HPS4: variants seen among roughly 807,000 people sequenced by gnomAD.
HPS4 encodes HPS4 biogenesis of lysosomal organelles complex 3 subunit 2, also known as BLOC-3 complex member HPS4.
Under a neutral mutation model 70.3 loss-of-function variants are expected in HPS4, and 44 were observed. The ratio of observed to expected loss-of-function variants is 0.63; its 90% CI spans 0.49 to 0.80. The LOEUF (loss-of-function observed/expected upper bound fraction) is 0.80, where lower values mean the gene tolerates loss of function less well. Among genes scored for constraint, HPS4 ranks in the 30% least tolerant of loss-of-function variants. The pLI is 0.00. For synonymous variants in HPS4, 377 were observed against 355.9 expected, an observed-to-expected ratio of 1.06 and a Z score of -0.67; for missense variants, 873 against 884.4, an observed-to-expected ratio of 0.99 and a Z score of 0.16.
In HPS4 at chr22:26,470,707, G is replaced by A. The variant is rs200878716; in HGVS notation, c.596+12C>T. The A allele has an allele frequency of 1.3e-5, 21 of 1,612,312 alleles. No individual in the cohort carries two copies. The East Asian group carries it at 4.5e-4, about 34-fold the overall frequency. On this transcript the variant is annotated intron_variant, in intron 7 of 13. Coordinates refer to ENST00000398145, the MANE Select transcript of HPS4 (RefSeq NM_022081.6). ...GAATGGGGCTGGAAGAAAGGGGTCT[G>A]GAGTTACTCACAGTCCTTTATAGAG... is the stretch of plus-strand genomic sequence containing the variant.
chr22:26,480,254 C>A (rs535662049), intron 2 of HPS4, among the ~76,000 whole-genome samples: 1 of 152,320 alleles, frequency 6.6e-6, no homozygotes, highest in South Asian at 2.1e-4. Flanking sequence ...TCAGTGCAAA[C>A]TCAATCTCCC....
At position 26,457,882 on chromosome 22, in the gene HPS4, G is replaced by A. The variant is rs2086443482; in HGVS notation, c.1932C>T (p.Pro644=). The change falls in exon 13 of 14, where the codon CCC becomes CCT. Residue 644 remains proline (P), a synonymous_variant. Transcript: ENST00000398145. ...ACCTGACAGTCATTTCATAAAGCGC[G>A]GGCAGCTGGGCAAATTCGCTATGCA... is the stretch of plus-strand genomic sequence containing the variant. The part of the protein sequence containing the change: ...SLMHSEFAQL[P]ALYEMTVRNA... 4.3e-6 allele frequency: 7 copies of A among 1,614,144 alleles called. No individual in the cohort carries two copies. The highest frequency in any genetic ancestry group is 1.1e-5 in the South Asian group (1 of 91,084).
intron 8 of HPS4, 128 bp from the exon 9 acceptor site, chr22:26,466,390 T>C: frequency 1.0e-6 from 1 of 992,114 alleles, no homozygotes; most frequent in South Asian, 1.4e-5. Context: ...CCCAACCACA[T>C]GCTAAGAGCC....
At chr22:26,466,073 T>G in intron 9 of HPS4, 153 bp downstream of exon 9, 1 of 1,566,400 alleles carries the variant, frequency 6.4e-7, no homozygotes, top group Non-Finnish European at 8.6e-7. Context: ...GGTGGGTAAC[T>G]CGATTCTTGA....
chr22:26,450,691 A>G (rs1306308276), downstream of HPS4, among the ~76,000 whole-genome samples: 1 of 152,148 alleles, frequency 6.6e-6, no homozygotes, highest in Non-Finnish European at 1.5e-5. Context: ...GGGTGTGGTT[A>G]CTTCCATGCT....
intron 13 of HPS4, among the ~76,000 whole-genome samples, chr22:26,455,584 G>C (rs987186681): frequency 3.9e-5 from 4 of 102,852 alleles, no homozygotes; most frequent in Non-Finnish European, 5.5e-5. Flanking sequence ...GCCTGTTGTA[G>C]GGTGGGGGGA....
chr22:26,462,057 C>T (rs1362092050), intron 11 of HPS4, among the ~76,000 whole-genome samples: 2 of 149,690 alleles, frequency 1.3e-5, no homozygotes, highest in African/African-American at 2.5e-5. Context: ...ACCGGGGAGG[C>T]GGAGGTTGCA....
downstream of HPS4, chr22:26,443,513 G>T (rs2084874110): frequency 4.4e-6 from 1 of 227,774 alleles, no homozygotes; most frequent in South Asian, 8.3e-5. Context: ...TAGTGCCCTT[G>T]TAAGTCTGTC....
rs534041809 is a variant in HPS4 at position 26,457,344 on chromosome 22, G to A, written c.1955+515C>T. Among the ~76,000 whole-genome samples the A allele has an allele frequency of 1.3e-4, 20 of 151,410 alleles. No homozygotes were observed. The East Asian group carries it at 3.9e-3, about 30-fold the overall frequency. On this transcript the variant is annotated intron_variant, in intron 13 of 13. Coordinates refer to ENST00000398145, the MANE Select transcript of HPS4 (RefSeq NM_022081.6). ...TGATTCTCCTGCCTCAGCCTCCTGA[G>A]TAGCTGGGACTACAGGCACCCACCA...
In HPS4 at chr22:26,481,727, G is replaced by A. The variant is rs1229028600; in HGVS notation, c.36C>T (p.Ala12=). 1 of 1,613,964 alleles carries A rather than the reference G, an allele frequency of 6.2e-7. No individual in the cohort carries two copies. The highest frequency in any genetic ancestry group is 8.5e-7 in the Non-Finnish European group (1 of 1,179,926). The change falls in exon 2 of 14, where the codon GCC becomes GCT. Residue 12 remains alanine, a synonymous_variant. Coordinates refer to ENST00000398145, the MANE Select transcript of HPS4 (RefSeq NM_022081.6). ...ATSTSTEAKS[A]SWWNYFFLYD... ...TGGCAGGCCTTGTTACTCACCACGAGGCTGACTTTGCCTCTGTGGAGGTAG... is the reference window on the plus strand; with the variant it reads ...TGGCAGGCCTTGTTACTCACCACGAAGCTGACTTTGCCTCTGTGGAGGTAG...
At chr22:26,470,981 C>A in intron 6 of HPS4, 168 bp from the exon 7 acceptor site, 1 of 1,409,538 alleles carries the variant, frequency 7.1e-7, no homozygotes. Flanking sequence ...GACTATTCTA[C>A]CTCTCTATAC....
chr22:26,472,194 T>C, intron 6 of HPS4, 108 bp downstream of exon 6: 1 of 807,380 alleles, frequency 1.2e-6, no homozygotes, highest in Non-Finnish European at 2.2e-6. Flanking sequence ...GCCTGAGAAG[T>C]GACATTCTAC....
Position 26,464,601 on chromosome 22 carries a change from G to A in HPS4, c.1029C>T (p.Asn343=). 1 of 1,614,232 alleles carries A rather than the reference G, an allele frequency of 6.2e-7. No homozygotes were observed. Among genetic ancestry groups the A allele is most frequent in the East Asian group, 2.2e-5 (1 of 44,882 alleles). The change falls in exon 11 of 14, where the codon AAC becomes AAT. Residue 343 remains asparagine, a synonymous_variant. Transcript: ENST00000398145. ...GGCCAAGAACCTCACCCCTGGCAGA[G>A]TTGTGCAGTCCTGCGGGCCTGATGC... ...LESIRPAGLH[N]SARGEVLGLS...
At chr22:26,448,630 C>T (rs1349888427), downstream of HPS4, among the ~76,000 whole-genome samples, 2 of 152,196 alleles carry the variant, frequency 1.3e-5, no homozygotes, top group Non-Finnish European at 2.9e-5. Context: ...CCTCGGCATG[C>T]ACAGGCAATC....
downstream of HPS4, among the ~76,000 whole-genome samples, chr22:26,446,736 A>G (rs1764539692): frequency 1.3e-5 from 2 of 151,794 alleles, no homozygotes; most frequent in Admixed American, 1.3e-4. Flanking sequence ...GTTTTTTGTT[A>G]TCTGTTTTTG....
In HPS4 at chr22:26,468,629, A is replaced by T; in HGVS notation, c.597-6T>A. 1.9e-6 allele frequency: 3 copies of T among 1,613,614 alleles called. No individual in the cohort carries two copies. Among genetic ancestry groups the T allele is most frequent in the Non-Finnish European group, 2.5e-6 (3 of 1,179,622 alleles). On this transcript the variant is annotated splice_polypyrimidine_tract_variant and splice_region_variant and intron_variant, in intron 7 of 13. Coordinates refer to ENST00000398145, the MANE Select transcript of HPS4 (RefSeq NM_022081.6). ...GGAGTTGGGTGCTGACAATCCTAGG[A>T]GGTCACACACAGAACAAGAACACCA...
At chr22:26,470,852 T>G in intron 6 of HPS4, 39 bp from the exon 7 acceptor site, 1 of 1,613,176 alleles carries the variant, frequency 6.2e-7, no homozygotes. Flanking sequence ...CCCATCAGCA[T>G]GCTCACAATC....
chr22:26,455,791 A>G (rs2086012044), intron 13 of HPS4, among the ~76,000 whole-genome samples: 1 of 152,188 alleles, frequency 6.6e-6, no homozygotes, highest in Admixed American at 6.5e-5. Context: ...TGTTATTGAA[A>G]TAATCTCTCA....
Position 26,458,476 on chromosome 22 carries a change from T to C in HPS4, c.1815A>G (p.Thr605=), listed in dbSNP as rs749347544. Residue 605 remains threonine (T), a synonymous_variant, in exon 12 of 14, where the codon ACA becomes ACG. Transcript: ENST00000398145. Reference sequence around the variant, plus strand: ...GCAAGCTCTGAATGCGGTCGTAATGTGTGAAGTTGTAGGTGCTGCTCGTGG... The same window carrying C: ...GCAAGCTCTGAATGCGGTCGTAATGCGTGAAGTTGTAGGTGCTGCTCGTGG... ...AASTSSTYNF[T]HYDRIQSLLM... The C allele has an allele frequency of 6.2e-6, 10 of 1,614,064 alleles. No homozygotes were observed. The East Asian group carries it at 1.6e-4, about 25-fold the overall frequency.
Sources: gnomAD v4.1 joint callset for allele counts (sites outside exome capture counted in the v4.1 genomes callset) on GRCh38, gnomAD v4.1.1 for gene constraint, MANE v1.5 for transcripts, NCBI Gene and HGNC (gene_info 2026-07-23, HGNC 2026-07-21) for gene names.